The following MTCL1 variants were observed in gnomAD, a reference collection of about 807,000 sequenced individuals.
MTCL1 encodes microtubule crosslinking factor 1, also known as microtubule cross-linking factor 1.
A neutral mutation model predicts 141.4 loss-of-function variants in MTCL1; 79 were observed. The observed-to-expected ratio is 0.56, with a 90% CI of 0.47 to 0.67. The LOEUF is 0.67. Among genes scored for constraint, MTCL1 ranks in the 30% least tolerant of loss-of-function variants. The probability of loss-of-function intolerance (pLI) is 0.00; values close to 1 mark genes in which losing one functional copy is unlikely to be tolerated. For synonymous variants in MTCL1, 914 were observed against 875.8 expected (o/e 1.04, Z -0.77); for missense variants, 2,177 against 2,113.9 (o/e 1.03, Z -0.59).
chr18:8,789,371 G>A, intron 7 of MTCL1: 2 of 977,112 alleles, frequency 2.0e-6, no homozygotes, highest in Non-Finnish European at 2.4e-6. Context: ...CATGGTGATG[G>A]AATTGTCCTA....
chr18:8,747,557 G>A (rs563754173), intron 4 of MTCL1, among the ~76,000 whole-genome samples: 33 of 152,258 alleles, frequency 2.2e-4, no homozygotes, highest in Admixed American at 1.6e-3. Context: ...TGTGTGTCTC[G>A]TCCTCAGCTT....
At chr18:8,802,945 C>G (rs1366847170) in intron 10 of MTCL1, among the ~76,000 whole-genome samples, 1 of 152,148 alleles carries the variant, frequency 6.6e-6, no homozygotes, top group African/African-American at 2.4e-5. Context: ...ATAAAGACAT[C>G]TCAATGGAAC....
intron 8 of MTCL1, among the ~76,000 whole-genome samples, chr18:8,795,928 C>T (rs2075902305): frequency 6.6e-6 from 1 of 152,172 alleles, no homozygotes; most frequent in African/African-American, 2.4e-5. Context: ...GCCGCACTTC[C>T]AAGACACGGT....
intron 4 of MTCL1, among the ~76,000 whole-genome samples, chr18:8,777,187 G>T (rs1364477445): frequency 2.0e-5 from 3 of 152,226 alleles, no homozygotes; most frequent in Non-Finnish European, 4.4e-5. Context: ...AGTGAGCTGA[G>T]ATCACACCAC....
At position 8,828,915 on chromosome 18, in the gene MTCL1, C is replaced by T; in HGVS notation, c.4730C>T (p.Thr1577Ile). 3.7e-6 allele frequency: 6 copies of T among 1,614,220 alleles called. No homozygotes were observed. Among genetic ancestry groups the T allele is most frequent in the Middle Eastern group, 1.6e-4 (1 of 6,062 alleles). Residue 1577 changes from threonine to isoleucine, a missense_variant, in exon 16 of 17, where the codon ACT (threonine) becomes ATT (isoleucine). Transcript: ENST00000359865. The surrounding 1 kb of genome is among the most constrained non-coding windows in gnomAD (Gnocchi z 5.2). ...TCTGTCTGTTCTGTCCAGAACCAAA[C>T]TGTCTTGCTAACTGCCCCCTGGGGA... is the stretch of plus-strand genomic sequence containing the variant.
chr18:8,806,898 G>A (rs758475425), exon 11 of MTCL1: 5 of 1,613,018 alleles, frequency 3.1e-6, no homozygotes, highest in South Asian at 2.2e-5. Flanking sequence ...CGCAGGTGGT[G>A]GAAAACCAGC....
intron 7 of MTCL1, among the ~76,000 whole-genome samples, chr18:8,788,065 C>T (rs1387479122): frequency 6.6e-6 from 1 of 152,170 alleles, no homozygotes; most frequent in Non-Finnish European, 1.5e-5. Context: ...AATTTGCTGC[C>T]AACAATTGCT....
At chr18:8,733,706 G>A (rs866701022) in intron 4 of MTCL1, among the ~76,000 whole-genome samples, 1 of 152,062 alleles carries the variant, frequency 6.6e-6, no homozygotes, top group South Asian at 2.1e-4. Context: ...GTGCTTGGCC[G>A]TTAGTATCCT....
intron 9 of MTCL1, among the ~76,000 whole-genome samples, chr18:8,797,744 C>T (rs2075976060): frequency 6.6e-6 from 1 of 152,184 alleles, no homozygotes; most frequent in African/African-American, 2.4e-5. Flanking sequence ...CATAGATAAC[C>T]ATTATTAAGC....
In MTCL1 at chr18:8,798,378, G is replaced by A. The variant is rs2075999546; in HGVS notation, c.2436+87G>A. On this transcript the variant is annotated intron_variant, in intron 10 of 16. Transcript: ENST00000359865. The stretch of plus-strand genomic sequence containing the variant: ...GCATTTGGGTCGTTTTGTTTCCAGT[G>A]TTGGCATTCAGGTAGCAGAAAATTC... 8.8e-6 allele frequency: 10 copies of A among 1,141,544 alleles called. 1 individual carries two copies. In the African/African-American group the frequency reaches 1.1e-4, roughly 13 times the overall value. The allele number at this position is 1,141,544 out of a possible 1,614,324, so 70.7% of individuals were successfully genotyped here.
At chr18:8,753,921 C>T (rs2096384318) in intron 4 of MTCL1, among the ~76,000 whole-genome samples, 1 of 152,134 alleles carries the variant, frequency 6.6e-6, no homozygotes, top group South Asian at 2.1e-4. Context: ...CAATTTGTGA[C>T]TGTTAATATG....
upstream of MTCL1, among the ~76,000 whole-genome samples, chr18:8,713,214 C>T (rs13381910): frequency 0.019 from 2,842 of 152,212 alleles, 89 homozygotes; most frequent in African/African-American, 0.061. Flanking sequence ...TTCAAGATTT[C>T]GTTTTATATA....
At chr18:8,713,296 C>T (rs983404583), upstream of MTCL1, among the ~76,000 whole-genome samples, 9 of 152,194 alleles carry the variant, frequency 5.9e-5, no homozygotes, top group Admixed American at 5.2e-4. Flanking sequence ...TAAGTATCCT[C>T]CAGACTTGAT....
At chr18:8,761,790 T>C (rs906173794) in intron 4 of MTCL1, among the ~76,000 whole-genome samples, 2 of 152,168 alleles carry the variant, frequency 1.3e-5, no homozygotes, top group African/African-American at 4.8e-5. Context: ...GTGAGACTTA[T>C]TCATTATCAC....
intron 1 of MTCL1, among the ~76,000 whole-genome samples, chr18:8,710,837 CTTTTTTTTTTTTTTT>C (rs59041416): frequency 1.2e-5 from 1 of 80,930 alleles, no homozygotes; most frequent in East Asian, 3.5e-4. Context: ...GGAAGGCTTT[CTTTTTTTTTTTTTTT>C]TTTTTAATCT....
rs2148729755 is a variant in MTCL1, at chr18:8,705,804, C to T, written c.144C>T (p.Phe48=). ...GTGCGCCCTCGCCCGCCAGACCCTTCCTCAAGGACCTGCACGCCCGGCCCG... is the reference window on the plus strand; with the variant it reads ...GTGCGCCCTCGCCCGCCAGACCCTTTCTCAAGGACCTGCACGCCCGGCCCG... Residue 48 remains phenylalanine (F), a synonymous_variant, in exon 1 of 14, where the codon TTC becomes TTT. Coordinates refer to the MTCL1 transcript ENST00000306329. The surrounding 1 kb of genome is among the most constrained non-coding windows in gnomAD (Gnocchi z 5.2). 1 of 1,191,498 alleles carries T rather than the reference C, an allele frequency of 8.4e-7. No homozygotes were observed. The highest frequency in any genetic ancestry group is 1.0e-6 in the Non-Finnish European group (1 of 961,372). The allele number at this position is 1,191,498 out of a possible 1,614,324, so 73.8% of individuals were successfully genotyped here.
chr18:8,717,762 G>A (rs942969376), intron 1 of MTCL1: 1 of 346,928 alleles, frequency 2.9e-6, no homozygotes, highest in Non-Finnish European at 4.1e-6. Flanking sequence ...GGAATGAAAT[G>A]ACTCCTTGGG....
At chr18:8,783,590 C>G (rs369827156) in exon 6 of MTCL1, 1 of 1,613,282 alleles carries the variant, frequency 6.2e-7, no homozygotes, top group South Asian at 1.1e-5. Context: ...CTTCCTGATG[C>G]GCAAAAAGAT....
intron 12 of MTCL1, among the ~76,000 whole-genome samples, chr18:8,813,699 T>C (rs2076562351): frequency 6.6e-6 from 1 of 152,244 alleles, no homozygotes; most frequent in Non-Finnish European, 1.5e-5. Flanking sequence ...AAAGTCAGGC[T>C]GTTTGCTGGT....
Sources: gnomAD v4.1 joint callset for allele counts (sites outside exome capture counted in the v4.1 genomes callset) on GRCh38, gnomAD v4.1.1 for gene constraint, Gnocchi (gnomAD v3.1) non-coding constraint, MANE v1.5 for transcripts, NCBI Gene and HGNC (gene_info 2026-07-23, HGNC 2026-07-21) for gene names.